The following PCDH9 variants were observed in gnomAD, a reference collection of about 807,000 sequenced individuals.
PCDH9 encodes the protein protocadherin 9.
A neutral mutation model predicts 70.6 loss-of-function variants in PCDH9; 24 were observed. The observed-to-expected ratio is 0.34, with a 90% CI of 0.25 to 0.48. The LOEUF (loss-of-function observed/expected upper bound fraction) is 0.48. PCDH9 is among the 20% of genes least tolerant of loss of function. The probability of loss-of-function intolerance (pLI) is 0.99; values close to 1 mark genes in which losing one functional copy is unlikely to be tolerated. For synonymous variants in PCDH9, 562 were observed against 558.5 expected (o/e 1.01, Z -0.09); for missense variants, 1,281 against 1,503.6 (o/e 0.85, Z 2.45).
chr13:66,508,337 T>C (rs137913068), intron 4 of PCDH9, among the ~76,000 whole-genome samples: 2 of 152,240 alleles, frequency 1.3e-5, no homozygotes, highest in East Asian at 3.9e-4. Flanking sequence ...TAGATGGAGA[T>C]GGTGGTTGCG....
At chr13:66,615,320 T>C (rs1242367435) in intron 4 of PCDH9, among the ~76,000 whole-genome samples, 2 of 152,234 alleles carry the variant, frequency 1.3e-5, no homozygotes, top group African/African-American at 4.8e-5. Flanking sequence ...TTAGGTTATA[T>C]TTTTGTGAAT....
Position 66,779,839 on chromosome 13 carries a change from C to CTATATATATA in PCDH9, c.3138+123664_3138+123665insTATATATATA, listed in dbSNP as rs1217221898. ...CATCTCTCTCTCTCTCTCTCTCTCT[C>CTATATATATA]TCTCTCTCTCTATATATATATATAT... On this transcript the variant is annotated intron_variant, in intron 3 of 4. Coordinates refer to ENST00000377865, the MANE Select transcript of PCDH9 (RefSeq NM_203487.3). 1.5e-3 allele frequency among the ~76,000 whole-genome samples: 38 copies of CTATATATATA among 24,686 alleles called. No individual in the cohort carries two copies. In the South Asian group the frequency reaches 0.017, roughly 11 times the overall value. 16.2% of individuals were successfully genotyped at this position (24,686 alleles called of 152,430 possible). A position where few individuals can be genotyped will look rare whatever the true frequency, so the allele number is the denominator to read the frequency against.
chr13:66,655,129 T>G (rs945949730), intron 3 of PCDH9, among the ~76,000 whole-genome samples: 1 of 152,090 alleles, frequency 6.6e-6, no homozygotes. Context: ...ATGCTCAGAA[T>G]GTCTTCTTTT....
At chr13:66,471,640 A>G (rs1290551752) in intron 4 of PCDH9, among the ~76,000 whole-genome samples, 1 of 152,204 alleles carries the variant, frequency 6.6e-6, no homozygotes, top group Admixed American at 6.5e-5. Context: ...ATGGGACTTT[A>G]AAGAAGATAT....
At chr13:66,844,132 A>C (rs2081164373) in intron 3 of PCDH9, among the ~76,000 whole-genome samples, 1 of 152,224 alleles carries the variant, frequency 6.6e-6, no homozygotes, top group African/African-American at 2.4e-5. Flanking sequence ...AGGAAACCCT[A>C]CAAATATTCA....
At chr13:67,053,403 A>C (rs1315787763) in intron 2 of PCDH9, among the ~76,000 whole-genome samples, 4 of 152,240 alleles carry the variant, frequency 2.6e-5, no homozygotes, top group Non-Finnish European at 4.4e-5. Context: ...TCATAGAATA[A>C]AGAAAATAAA....
At chr13:67,002,985 ATTTG>A (rs2084276356) in intron 2 of PCDH9, among the ~76,000 whole-genome samples, 1 of 149,858 alleles carries the variant, frequency 6.7e-6, no homozygotes, top group African/African-American at 2.5e-5. Context: ...CTTTTTTTTA[ATTTG>A]TTTGTTTTTA....
intron 4 of PCDH9, among the ~76,000 whole-genome samples, chr13:66,430,876 G>C (rs1163593053): frequency 6.6e-6 from 1 of 152,054 alleles, no homozygotes; most frequent in Non-Finnish European, 1.5e-5. Context: ...CAAAGTTGGA[G>C]ATAAATTTGA....
intron 2 of PCDH9, among the ~76,000 whole-genome samples, chr13:66,994,196 C>T (rs530552473): frequency 3.3e-4 from 51 of 152,258 alleles, no homozygotes; most frequent in African/African-American, 1.2e-3. Flanking sequence ...ACTGGCGACT[C>T]TTGGTAACTC....
chr13:67,119,286 A>C (rs1415710618), intron 2 of PCDH9, among the ~76,000 whole-genome samples: 1 of 152,054 alleles, frequency 6.6e-6, no homozygotes, highest in Non-Finnish European at 1.5e-5. Context: ...TATATGATAC[A>C]TTCCTTTTCT....
At chr13:66,752,777 G>C (rs1339536247) in intron 3 of PCDH9, among the ~76,000 whole-genome samples, 2 of 152,172 alleles carry the variant, frequency 1.3e-5, no homozygotes, top group African/African-American at 4.8e-5. Context: ...TGAAAAGAAG[G>C]CTCTAAGGTC....
chr13:67,074,109 T>G (rs1049362995), intron 2 of PCDH9, among the ~76,000 whole-genome samples: 2 of 151,918 alleles, frequency 1.3e-5, no homozygotes, highest in Non-Finnish European at 2.9e-5. Flanking sequence ...TATCTATCTA[T>G]CTATCTATCT....
chr13:66,351,659 A>G (rs1445063191), intron 4 of PCDH9, among the ~76,000 whole-genome samples: 1 of 152,124 alleles, frequency 6.6e-6, no homozygotes, highest in African/African-American at 2.4e-5. Flanking sequence ...ATCCAGAGTT[A>G]CACATTAAGA....
At chr13:67,103,940 G>A (rs1020044942) in intron 2 of PCDH9, among the ~76,000 whole-genome samples, 2 of 152,262 alleles carry the variant, frequency 1.3e-5, no homozygotes, top group South Asian at 4.1e-4. Context: ...GGGACCTTCA[G>A]AAAGTAACAT....
chr13:66,908,971 G>T (rs576880472), intron 2 of PCDH9, among the ~76,000 whole-genome samples: 22 of 152,100 alleles, frequency 1.4e-4, no homozygotes, highest in South Asian at 8.3e-4. Flanking sequence ...TAAAAACAGG[G>T]ATTGCTTATG....
chr13:66,312,098 G>A lies in PCDH9; in HGVS notation c.3341-7070C>T, dbSNP rs73503893. On this transcript the variant is annotated intron_variant, in intron 4 of 4. Transcript: ENST00000377865. ...TAGGCAAACAAATAAATAGATTTTA[G>A]CCCTAGTAGAATGATGAATTGGTAT... 9.4e-3 allele frequency among the ~76,000 whole-genome samples: 1,435 copies of A among 152,248 alleles called. 26 individuals carry two copies. Among genetic ancestry groups the A allele is most frequent in the African/African-American group, 0.032 (1,346 of 41,558 alleles).
At chr13:67,100,246 A>C (rs1395051013) in intron 2 of PCDH9, among the ~76,000 whole-genome samples, 1 of 152,232 alleles carries the variant, frequency 6.6e-6, no homozygotes, top group Non-Finnish European at 1.5e-5. Context: ...TTATTGGTTA[A>C]GAAATAATAG....
chr13:67,226,390 A>G lies in PCDH9; in HGVS notation c.2051T>C (p.Phe684Ser). The change falls in exon 2 of 5, where the codon TTT becomes TCT. Residue 684 changes from phenylalanine (F) to serine (S), a missense_variant. Physicochemically the swap from Phe to Ser is radical, Grantham distance 155. Coordinates refer to ENST00000377865, the MANE Select transcript of PCDH9 (RefSeq NM_203487.3). The surrounding 1 kb of genome is among the most constrained non-coding windows in gnomAD (Gnocchi z 5.0). ...AATGGCTGAGAGGGGCACCAACTTAAAGGAAGTATTAGACGGTGGAGAAAT... is the reference window on the plus strand; with the variant it reads ...AATGGCTGAGAGGGGCACCAACTTAGAGGAAGTATTAGACGGTGGAGAAAT... ...VVISPPSNTS[F>S]KLVPLSAIPG... is the part of the protein sequence containing the mutation. The G allele has an allele frequency of 6.2e-7, 1 of 1,614,190 alleles. No individual in the cohort carries two copies. Among genetic ancestry groups the G allele is most frequent in the Non-Finnish European group, 8.5e-7 (1 of 1,180,034 alleles).
At chr13:66,626,127 A>G (rs8001396) in intron 4 of PCDH9, among the ~76,000 whole-genome samples, 129,744 of 152,018 alleles carry the variant, frequency 0.85, 56,063 homozygotes, top group Admixed American at 0.92. Flanking sequence ...GGAAAAAAAT[A>G]TCAAGAAAAT....
Sources: allele counts gnomAD v4.1 joint callset (sites outside exome capture counted in the v4.1 genomes callset), GRCh38; gene constraint gnomAD v4.1.1; non-coding constraint Gnocchi (gnomAD v3.1); transcripts MANE v1.5; gene names NCBI Gene and HGNC (gene_info 2026-07-23, HGNC 2026-07-21).